Variants in VPS13C observed in about 807,000 individuals in gnomAD.
The protein encoded by VPS13C is vacuolar protein sorting 13 homolog C.
A neutral mutation model predicts 456.8 loss-of-function variants in VPS13C; 358 were observed. The ratio of observed to expected loss-of-function variants is 0.78; its 90% confidence interval spans 0.72 to 0.86. VPS13C has a LOEUF of 0.86. Among genes scored for constraint, VPS13C ranks in the 40% least tolerant of loss-of-function variants. The pLI is 0.00. For missense variants in VPS13C, 4,818 were observed against 4,385.4 expected (o/e 1.10, Z -2.79); for synonymous variants, 1,578 against 1,486.7 (o/e 1.06, Z -1.41).
At chr15:61,863,708 T>G (rs1894353982) in intron 81 of VPS13C, 180 bp from the exon 82 acceptor site, 1 of 431,498 alleles carries the variant, frequency 2.3e-6, no homozygotes, top group Non-Finnish European at 4.1e-6. Flanking sequence ...GTAAGTTAAC[T>G]TCCACTGTTG....
chr15:61,949,381 C>A (rs201154423), intron 42 of VPS13C, 62 bp downstream of exon 42: 70 of 1,557,442 alleles, frequency 4.5e-5, no homozygotes, highest in African/African-American at 1.4e-5. Flanking sequence ...CTGAAAAAAA[C>A]AAGTTGTTAT....
At chr15:61,950,680 TA>T (rs2044758322) in intron 40 of VPS13C, among the ~76,000 whole-genome samples, 1 of 151,980 alleles carries the variant, frequency 6.6e-6, no homozygotes, top group African/African-American at 2.4e-5. Flanking sequence ...TACACTAATC[TA>T]AAAAGTAGGA....
chr15:61,992,852 G>A (rs2046266363), intron 16 of VPS13C, among the ~76,000 whole-genome samples: 2 of 151,804 alleles, frequency 1.3e-5, no homozygotes, highest in Non-Finnish European at 2.9e-5. Flanking sequence ...TGAGAGAGTG[G>A]GTTCTCTCTC....
At chr15:61,984,533 GTA>G (rs1372724309) in intron 19 of VPS13C, among the ~76,000 whole-genome samples, 1 of 152,074 alleles carries the variant, frequency 6.6e-6, no homozygotes, top group Non-Finnish European at 1.5e-5. Context: ...TTAATTTTTT[GTA>G]TATCTTTTAT....
chr15:61,966,143 C>G lies in VPS13C; in HGVS notation c.2992-1G>C, dbSNP rs902205095. On this transcript the variant is annotated splice_acceptor_variant, in intron 29 of 84. Transcript: ENST00000644861. LOFTEE classifies it high-confidence loss of function. ...GAAAACTAGGTCCATTCTTATCAGC[C>G]TGAAAAAAGAAGTAAAAGTTCTAAA... 6.3e-7 allele frequency: 1 copy of G among 1,597,880 alleles called. No individual in the cohort carries two copies. Among genetic ancestry groups the G allele is most frequent in the Non-Finnish European group, 8.5e-7 (1 of 1,171,726 alleles).
chr15:61,926,952 A>G, intron 52 of VPS13C, 139 bp downstream of exon 52: 1 of 756,490 alleles, frequency 1.3e-6, no homozygotes, highest in Non-Finnish European at 2.1e-6. Flanking sequence ...TTTGGAATTC[A>G]ATATCTTTAT....
At chr15:62,041,407 T>C (rs767530895) in intron 2 of VPS13C, 41 bp from the exon 3 acceptor site, 1 of 1,568,758 alleles carries the variant, frequency 6.4e-7, no homozygotes, top group Non-Finnish European at 8.6e-7. Flanking sequence ...TCTTAAATTA[T>C]GAAGCCAACC....
At chr15:61,891,681 G>A (rs2042655740) in intron 66 of VPS13C, among the ~76,000 whole-genome samples, 2 of 152,064 alleles carry the variant, frequency 1.3e-5, no homozygotes, top group Non-Finnish European at 2.9e-5. Flanking sequence ...ATTGCATGAA[G>A]GTTTATGGCT....
intron 1 of VPS13C, among the ~76,000 whole-genome samples, chr15:62,045,524 T>C (rs1478923682): frequency 6.6e-6 from 1 of 151,996 alleles, no homozygotes. Flanking sequence ...TTGGTGTAAC[T>C]GGAGGGTATA....
chr15:61,959,842 A>G (rs912332555), intron 35 of VPS13C, among the ~76,000 whole-genome samples: 2 of 152,330 alleles, frequency 1.3e-5, no homozygotes, highest in Admixed American at 6.5e-5. Flanking sequence ...GAAAAATTGA[A>G]TAAGTTTTTA....
rs1893905993 is a variant in VPS13C at position 61,856,392 on chromosome 15, T to C, written c.10970A>G (p.Lys3657Arg). 6.2e-7 allele frequency: 1 copy of C among 1,612,818 alleles called. No individual in the cohort carries two copies. Among genetic ancestry groups the C allele is most frequent in the African/African-American group, 1.3e-5 (1 of 74,860 alleles). The change falls in exon 83 of 85, where the codon AAG (lysine) becomes AGG (arginine). Residue 3657 changes from lysine to arginine, a missense_variant. Lys to Arg is a conservative substitution (Grantham distance 26). This residue lies in a region of VPS13C where 261 missense variants were observed against 234.1 expected (regional missense o/e 1.11). Transcript: ENST00000644861. Reference sequence around the variant, plus strand: ...CATAAGGCCCAGGATTTCAACTTCCTTTATACACAACACTCGCCTATTTTG... The same window carrying C: ...CATAAGGCCCAGGATTTCAACTTCCCTTATACACAACACTCGCCTATTTTG... ...MVTNRRVLCI[K>R]EVEILGLMCV...
chr15:61,852,811 T>C lies in VPS13C; in HGVS notation c.*1646A>G, dbSNP rs1201426865. On this transcript the variant is annotated 3_prime_UTR_variant, in exon 85 of 85. Coordinates refer to ENST00000644861, the MANE Select transcript of VPS13C (RefSeq NM_020821.3). ...AGTAATGACAAACAGAGATCAAACA[T>C]TTAGGGCATTAGTTACTGCATTCTC... 2.0e-5 allele frequency: 3 copies of C among 152,142 alleles called. No homozygotes were observed. The highest frequency in any genetic ancestry group is 7.2e-5 in the African/African-American group (3 of 41,434). The allele number at this position is 152,142 out of a possible 1,614,324, so 9.4% of individuals were successfully genotyped here. A position where few individuals can be genotyped will look rare whatever the true frequency, so the allele number is the denominator to read the frequency against.
At chr15:61,940,947 GATCA>G (rs2044400317) in intron 46 of VPS13C, among the ~76,000 whole-genome samples, 153 bp from the exon 47 acceptor site, 1 of 152,170 alleles carries the variant, frequency 6.6e-6, no homozygotes, top group Non-Finnish European at 1.5e-5. Flanking sequence ...ACATTTTTAA[GATCA>G]ATCTAAATCA....
At position 61,981,463 on chromosome 15, in the gene VPS13C, A is replaced by G. The variant is rs755582096; in HGVS notation, c.2045T>C (p.Ile682Thr). ...TAAATCAAGGACTTTTCGAGTTTCA[A>G]TAATATGTGTAAGTCCTAAAGACGT... ...ERTATGLTHIIETRKVLDLRI... is the reference protein window; with the variant it reads ...ERTATGLTHITETRKVLDLRI... Residue 682 changes from isoleucine (I) to threonine (T), a missense_variant, in exon 22 of 85, where the codon ATT (isoleucine) becomes ACT (threonine). Ile to Thr is a moderately conservative substitution (Grantham distance 89, BLOSUM62 -1). Coordinates refer to ENST00000644861, the MANE Select transcript of VPS13C (RefSeq NM_020821.3). 1.2e-5 allele frequency: 19 copies of G among 1,608,772 alleles called. No homozygotes were observed. The highest frequency in any genetic ancestry group is 1.5e-5 in the Non-Finnish European group (18 of 1,178,268).
In VPS13C at chr15:61,980,183, C is replaced by CAAAAAAAA. The variant is rs71125960; in HGVS notation, c.2166+1151_2166+1158dup. Among the ~76,000 whole-genome samples the CAAAAAAAA allele has an allele frequency of 1.0e-3, 46 of 45,262 alleles. 1 individual carries two copies. The highest frequency in any genetic ancestry group is 3.1e-3 in the African/African-American group (44 of 14,302). 29.7% of individuals were successfully genotyped at this position (45,262 alleles called of 152,430 possible). A position where few individuals can be genotyped will look rare whatever the true frequency, so the allele number is the denominator to read the frequency against. On this transcript the variant is annotated intron_variant, in intron 22 of 84. Coordinates refer to ENST00000644861, the MANE Select transcript of VPS13C (RefSeq NM_020821.3). The stretch of plus-strand genomic sequence containing the variant: ...TGGGTGACAGAGCAAGACCCCATCT[C>CAAAAAAAA]AAAAAAAAAAAAAAAAAAAAAAAAA...
Position 61,900,583 on chromosome 15 carries a change from C to T in VPS13C, c.9105+6681G>A, listed in dbSNP as rs1263942278. On this transcript the variant is annotated intron_variant, in intron 66 of 84. Coordinates refer to ENST00000644861, the MANE Select transcript of VPS13C (RefSeq NM_020821.3). Reference sequence around the variant, plus strand: ...TGAAGGACCTCTTCAAGGAGAACTACAAACCACTGCTCAAGGAAATAAAAG... The same window carrying T: ...TGAAGGACCTCTTCAAGGAGAACTATAAACCACTGCTCAAGGAAATAAAAG... Among the ~76,000 whole-genome samples the T allele has an allele frequency of 4.6e-5, 7 of 151,824 alleles. No homozygotes were observed. The East Asian group carries it at 1.2e-3, about 25-fold the overall frequency.
intron 82 of VPS13C, 121 bp from the exon 83 acceptor site, chr15:61,856,530 C>G: frequency 8.8e-7 from 1 of 1,133,082 alleles, no homozygotes; most frequent in South Asian, 1.6e-5. Flanking sequence ...TAAACTGGCA[C>G]TAAAAAAAAA....
intron 77 of VPS13C, among the ~76,000 whole-genome samples, chr15:61,873,671 C>G (rs1255950885): frequency 1.3e-5 from 2 of 151,822 alleles, no homozygotes; most frequent in African/African-American, 4.8e-5. Flanking sequence ...AAAAAAATCA[C>G]AAACGCTGTC....
At chr15:61,940,893 G>T in intron 46 of VPS13C, 99 bp from the exon 47 acceptor site, 1 of 1,180,258 alleles carries the variant, frequency 8.5e-7, no homozygotes, top group Non-Finnish European at 1.1e-6. Flanking sequence ...TTTCATAAAG[G>T]CTAAAAGCTG....
Sources: allele counts gnomAD v4.1 joint callset (sites outside exome capture counted in the v4.1 genomes callset), GRCh38; gene constraint gnomAD v4.1.1; regional missense constraint gnomAD v4.1.1; transcripts MANE v1.5; gene names NCBI Gene and HGNC (gene_info 2026-07-23, HGNC 2026-07-21).